B9D1: variants seen among roughly 807,000 people sequenced by gnomAD.
The protein encoded by B9D1 is B9 domain-containing protein 1.
A neutral mutation model predicts 26.1 loss-of-function variants in B9D1; 20 were observed. The ratio of observed to expected loss-of-function variants is 0.77; its 90% CI spans 0.54 to 1.12. B9D1 has a LOEUF of 1.12. Among genes scored for constraint, B9D1 ranks in the 50% most tolerant of loss-of-function variants. B9D1 has a pLI of 0.00. For synonymous variants in B9D1, 105 were observed against 103.1 expected, an observed-to-expected ratio of 1.02 and a Z score of -0.11; for missense variants, 260 against 273.7, an observed-to-expected ratio of 0.95 and a Z score of 0.35.
chr17:19,340,707 T>C (rs1022578908), downstream of B9D1, among the ~76,000 whole-genome samples: 9 of 149,258 alleles, frequency 6.0e-5, no homozygotes, highest in African/African-American at 2.2e-4. Flanking sequence ...GAGAATCACT[T>C]GAACCCGGGA....
intron 2 of B9D1, 122 bp downstream of exon 2, chr17:19,360,198 G>A (rs1418787314): frequency 2.2e-6 from 2 of 902,978 alleles, no homozygotes; most frequent in Non-Finnish European, 3.7e-6. Flanking sequence ...CTCATGTTTG[G>A]GTTCCCCTGA....
chr17:19,356,316 T>C (rs1265302839), intron 3 of B9D1, among the ~76,000 whole-genome samples: 3 of 152,164 alleles, frequency 2.0e-5, no homozygotes, highest in African/African-American at 7.2e-5. Context: ...GGTCTTAAAC[T>C]CCTGAGCTCA....
exon 1 of B9D1, chr17:19,377,881 C>G (rs1042265826): frequency 3.0e-6 from 3 of 985,410 alleles, no homozygotes; most frequent in Non-Finnish European, 3.6e-6. Context: ...AAACCGCGAG[C>G]TGCAGTCCAA....
At chr17:19,339,399 TGA>T (rs1907720061), downstream of B9D1, among the ~76,000 whole-genome samples, 2 of 152,210 alleles carry the variant, frequency 1.3e-5, no homozygotes. Context: ...CAAGTTAGCA[TGA>T]GAGTCTTAGC....
chr17:19,367,659 C>T (rs1662812507), upstream of B9D1, among the ~76,000 whole-genome samples: 1 of 152,212 alleles, frequency 6.6e-6, no homozygotes, highest in African/African-American at 2.4e-5. Flanking sequence ...CTGTATATCA[C>T]CTTGTCTTTG....
chr17:19,363,198 G>C (rs1034450342), upstream of B9D1, among the ~76,000 whole-genome samples: 2 of 152,256 alleles, frequency 1.3e-5, no homozygotes, highest in Non-Finnish European at 2.9e-5. Context: ...CCTGTGGCTT[G>C]GAGACGCTTG....
upstream of B9D1, among the ~76,000 whole-genome samples, chr17:19,363,973 C>T (rs1911435267): frequency 1.3e-5 from 2 of 152,302 alleles, no homozygotes; most frequent in African/African-American, 4.8e-5. Flanking sequence ...GGGCCCATTT[C>T]CCCTCCTGGA....
At chr17:19,341,043 G>T, downstream of B9D1, 1 of 959,178 alleles carries the variant, frequency 1.0e-6, no homozygotes, top group Non-Finnish European at 1.3e-6. Flanking sequence ...AAATCTAGGT[G>T]GTGGGTATGT....
chr17:19,337,586 GAGAA>G, downstream of B9D1: 1 of 831,008 alleles, frequency 1.2e-6, no homozygotes, highest in Non-Finnish European at 1.9e-6. Context: ...GGGGACAGGA[GAGAA>G]AGAAGGGTGT....
chr17:19,363,726 T>G (rs554188693), upstream of B9D1: 7 of 152,404 alleles, frequency 4.6e-5, no homozygotes, highest in African/African-American at 1.7e-4. Context: ...GTCATCACAT[T>G]CTGCAGCTTC....
At chr17:19,336,319 C>G (rs563458757), downstream of B9D1, 1 of 152,404 alleles carries the variant, frequency 6.6e-6, no homozygotes, top group East Asian at 1.9e-4. Flanking sequence ...TTCCTTCAGA[C>G]GGTGCAGGGC....
downstream of B9D1, among the ~76,000 whole-genome samples, chr17:19,337,171 G>A (rs1336841988): frequency 6.6e-6 from 1 of 152,218 alleles, no homozygotes. Context: ...AGTGCGTGGA[G>A]CTGCCCAGCC....
chr17:19,343,970 C>T (rs988696700), intron 5 of B9D1, 113 bp from the exon 6 acceptor site: 18 of 1,481,730 alleles, frequency 1.2e-5, no homozygotes, highest in African/African-American at 9.7e-5. Context: ...TTGTTCCAAC[C>T]GCACCCCACC....
chr17:19,341,840 T>C (rs1908001735), downstream of B9D1, among the ~76,000 whole-genome samples: 1 of 151,112 alleles, frequency 6.6e-6, no homozygotes, highest in African/African-American at 2.4e-5. Context: ...TGACCAAGAG[T>C]TCTAAACTGG....
chr17:19,347,171 G>A lies in B9D1; in HGVS notation c.404+98C>T. 6.2e-7 allele frequency: 1 copy of A among 1,613,570 alleles called. No individual in the cohort carries two copies. Among genetic ancestry groups the A allele is most frequent in the Non-Finnish European group, 8.5e-7 (1 of 1,179,670 alleles). The stretch of plus-strand genomic sequence containing the variant: ...TCCTCAGTGGGTGGAGCAGCTTGCA[G>A]ATCTGAGGAGGCGACCAGGCACAAA... On this transcript the variant is annotated intron_variant, in intron 5 of 6. Coordinates refer to ENST00000261499, the MANE Select transcript of B9D1 (RefSeq NM_015681.6). This position sits in a 1 kb window ranked among gnomAD's most constrained non-coding sequence, Gnocchi z 4.3.
Position 19,359,659 on chromosome 17 carries a change from G to C in B9D1, c.132+661C>G, listed in dbSNP as rs566139720. 6.6e-6 allele frequency among the ~76,000 whole-genome samples: 1 copy of C among 152,122 alleles called. No individual in the cohort carries two copies. Among genetic ancestry groups the C allele is most frequent in the Non-Finnish European group, 1.5e-5 (1 of 68,020 alleles). On this transcript the variant is annotated intron_variant, in intron 2 of 6. Coordinates refer to ENST00000261499, the MANE Select transcript of B9D1 (RefSeq NM_015681.6). This position sits in a 1 kb window ranked among gnomAD's most constrained non-coding sequence, Gnocchi z 5.0. Reference sequence around the variant, plus strand: ...ACCCCCCAGCAAGAACGTGCGCTCCGGGAAGGCAGGGTCTTCTGGTTTGGC... The same window carrying C: ...ACCCCCCAGCAAGAACGTGCGCTCCCGGAAGGCAGGGTCTTCTGGTTTGGC...
intron 3 of B9D1, among the ~76,000 whole-genome samples, chr17:19,350,845 C>CTT (rs1263595723): frequency 7.1e-6 from 1 of 140,304 alleles, no homozygotes; most frequent in African/African-American, 2.6e-5. Flanking sequence ...TTTTTTTTTT[C>CTT]TTTTTTTTTT....
rs761392348 is a variant in B9D1 at position 19,347,357 on chromosome 17, A to G, written c.342-26T>C. The stretch of plus-strand genomic sequence containing the variant: ...CTGAAACAAATGTTTTTGCAGACAG[A>G]GATGCTGAGTAAGAGACCTTTCTGA... On this transcript the variant is annotated intron_variant, in intron 4 of 6. Transcript: ENST00000261499. This position sits in a 1 kb window ranked among gnomAD's most constrained non-coding sequence, Gnocchi z 4.3. 1.1e-5 allele frequency: 17 copies of G among 1,613,662 alleles called. No individual in the cohort carries two copies. In the South Asian group the frequency reaches 1.9e-4, roughly 18 times the overall value.
At position 19,362,636 on chromosome 17, in the gene B9D1, G is replaced by A; in HGVS notation, c.-67C>T. 2 of 1,560,686 alleles carry A rather than the reference G, an allele frequency of 1.3e-6. No individual in the cohort carries two copies. The highest frequency in any genetic ancestry group is 1.7e-6 in the Non-Finnish European group (2 of 1,151,928). On this transcript the variant is annotated 5_prime_UTR_variant, in exon 1 of 7. Coordinates refer to ENST00000261499, the MANE Select transcript of B9D1 (RefSeq NM_015681.6). The stretch of plus-strand genomic sequence containing the variant: ...GCGGTTGCTAAGAGACGCCGGCGTT[G>A]CCCTAGAAACAGACGGCGTAGCGCG...
Sources: gnomAD v4.1 joint callset for allele counts (sites outside exome capture counted in the v4.1 genomes callset) on GRCh38, gnomAD v4.1.1 for gene constraint, Gnocchi (gnomAD v3.1) non-coding constraint, MANE v1.5 for transcripts, NCBI Gene and HGNC (gene_info 2026-07-23, HGNC 2026-07-21) for gene names.